The following OSBPL3 variants were observed in gnomAD, a reference collection of about 807,000 sequenced individuals.
The protein encoded by OSBPL3 is oxysterol-binding protein-related protein 3.
A neutral mutation model predicts 120.1 loss-of-function variants in OSBPL3; 65 were observed. The ratio of observed to expected loss-of-function variants is 0.54; its 90% confidence interval spans 0.44 to 0.67. OSBPL3 has a LOEUF of 0.67. Among genes scored for constraint, OSBPL3 ranks in the 30% least tolerant of loss-of-function variants. The pLI, the probability that OSBPL3 is intolerant of heterozygous loss-of-function variation, is 0.00. For synonymous variants in OSBPL3, 416 were observed against 402.6 expected (o/e 1.03, Z -0.40); for missense variants, 1,004 against 1,082.1 (o/e 0.93, Z 1.01).
intron 1 of OSBPL3, among the ~76,000 whole-genome samples, chr7:24,948,117 C>T (rs1813955080): frequency 6.6e-6 from 1 of 152,168 alleles, no homozygotes; most frequent in South Asian, 2.1e-4. Context: ...GAGAAACGGT[C>T]TCCCTTGGCT....
intron 15 of OSBPL3, among the ~76,000 whole-genome samples, chr7:24,832,812 G>C (rs1466220101): frequency 2.6e-5 from 4 of 152,182 alleles, no homozygotes; most frequent in African/African-American, 7.2e-5. Context: ...GGTGGCATGA[G>C]GGAGAGTCCA....
chr7:24,868,143 CCT>C (rs1452942994), intron 5 of OSBPL3, among the ~76,000 whole-genome samples: 4 of 151,668 alleles, frequency 2.6e-5, no homozygotes, highest in Non-Finnish European at 5.9e-5. Flanking sequence ...ATGGTGAAAC[CCT>C]GTCTCTACTA....
Position 24,797,260 on chromosome 7 carries a change from A to G in OSBPL3, c.*2923T>C, listed in dbSNP as rs1434754511. 6.6e-6 allele frequency: 1 copy of G among 152,254 alleles called. No homozygotes were observed. Among genetic ancestry groups the G allele is most frequent in the African/African-American group, 2.4e-5 (1 of 41,476 alleles). 9.4% of individuals were successfully genotyped at this position (152,254 alleles called of 1,614,324 possible). On this transcript the variant is annotated 3_prime_UTR_variant, in exon 23 of 23. Transcript: ENST00000313367. This position sits in a 1 kb window ranked among gnomAD's most constrained non-coding sequence, Gnocchi z 4.8. ...AACAAATGATTTACTACAAGTAATTAAAAGCAGAATATGAGAAAAGCAGCA... is the reference window on the plus strand; with the variant it reads ...AACAAATGATTTACTACAAGTAATTGAAAGCAGAATATGAGAAAAGCAGCA...
chr7:24,809,728 C>A, intron 20 of OSBPL3, 79 bp downstream of exon 20: 1 of 1,366,402 alleles, frequency 7.3e-7, no homozygotes, highest in Non-Finnish European at 1.0e-6. Flanking sequence ...AGACACTACT[C>A]CTGTCCTCTG....
intron 12 of OSBPL3, among the ~76,000 whole-genome samples, chr7:24,844,564 A>G (rs1237366177): frequency 1.3e-5 from 2 of 152,228 alleles, no homozygotes. Context: ...CACTACAAGC[A>G]TTCTGACACA....
chr7:24,855,405 A>G lies in OSBPL3; in HGVS notation c.1028-2771T>C, dbSNP rs942187563. Among the ~76,000 whole-genome samples the G allele has an allele frequency of 6.6e-6, 1 of 152,262 alleles. No homozygotes were observed. The highest frequency in any genetic ancestry group is 2.1e-4 in the South Asian group (1 of 4,830). On this transcript the variant is annotated intron_variant, in intron 10 of 22. Coordinates refer to ENST00000313367, the MANE Select transcript of OSBPL3 (RefSeq NM_015550.4). This position sits in a 1 kb window ranked among gnomAD's most constrained non-coding sequence, Gnocchi z 4.3. ...TACATAAATTTTAAAAACTGGCAGA[A>G]TATACAATATTTGGTTCAAAATGTA...
chr7:24,892,619 A>C lies in OSBPL3; in HGVS notation c.-147T>G. On this transcript the variant is annotated splice_region_variant and 5_prime_UTR_variant, in exon 2 of 23. Coordinates refer to ENST00000313367, the MANE Select transcript of OSBPL3 (RefSeq NM_015550.4). ...TTGGGTGGCCCAAAGGAAACCCTAA[A>C]ACCTAAAAAAGAGAAATTAGAAAGA... The C allele has an allele frequency of 7.3e-7, 1 of 1,362,148 alleles. No homozygotes were observed. Among genetic ancestry groups the C allele is most frequent in the Non-Finnish European group, 9.5e-7 (1 of 1,052,534 alleles). 84.4% of individuals were successfully genotyped at this position (1,362,148 alleles called of 1,614,324 possible). A position where few individuals can be genotyped will look rare whatever the true frequency, so the allele number is the denominator to read the frequency against.
rs1459836113 is a variant in OSBPL3 at position 24,820,375 on chromosome 7, T to C, written c.1885-137A>G. ...GGAAAAACTTCTTTAGTTTCCCTCA[T>C]CAAGTGTGTCCTCAAGAGGGCGCTC... On this transcript the variant is annotated intron_variant, in intron 16 of 22. Coordinates refer to ENST00000313367, the MANE Select transcript of OSBPL3 (RefSeq NM_015550.4). The surrounding 1 kb of genome is among the most constrained non-coding windows in gnomAD (Gnocchi z 4.6). 1.6e-6 allele frequency: 1 copy of C among 636,216 alleles called. No homozygotes were observed. The highest frequency in any genetic ancestry group is 3.0e-5 in the East Asian group (1 of 33,466). 39.4% of individuals were successfully genotyped at this position (636,216 alleles called of 1,614,324 possible).
At chr7:24,838,914 C>T (rs1797345626) in intron 14 of OSBPL3, among the ~76,000 whole-genome samples, 1 of 152,190 alleles carries the variant, frequency 6.6e-6, no homozygotes, top group Admixed American at 6.5e-5. Context: ...GACCTTTCCA[C>T]TAAGGGGTTC....
intron 1 of OSBPL3, among the ~76,000 whole-genome samples, chr7:24,974,432 G>C (rs956043293): frequency 9.2e-5 from 14 of 152,206 alleles, no homozygotes; most frequent in Non-Finnish European, 1.8e-4. Context: ...CATAATAGGA[G>C]TTACACTTTT....
chr7:24,949,448 T>A (rs1814123672), intron 1 of OSBPL3, among the ~76,000 whole-genome samples: 1 of 152,216 alleles, frequency 6.6e-6, no homozygotes, highest in African/African-American at 2.4e-5. Context: ...ATCTTACAAT[T>A]GACAGTCTTT....
At chr7:24,868,337 AAGTGT>A (rs745660877) in intron 5 of OSBPL3, among the ~76,000 whole-genome samples, 47 of 93,278 alleles carry the variant, frequency 5.0e-4, no homozygotes, top group African/African-American at 2.3e-3. Context: ...AAAAAAAAAA[AAGTGT>A]GTGTGTGTGT....
rs1044956 is a variant in OSBPL3, at chr7:24,815,146, G to A, written c.2085C>T (p.Ser695=). 0.29 allele frequency: 465,824 copies of A among 1,610,750 alleles called. 77,685 individuals are homozygous for A. The highest frequency in any genetic ancestry group is 0.74 in the East Asian group (33,374 of 44,846). Reference sequence around the variant, plus strand: ...CATAGTGCTCAATCCACCTCTGCCCGCTTAAGATGTTATGGATGCAAGAGG... The same window carrying A: ...CATAGTGCTCAATCCACCTCTGCCCACTTAAGATGTTATGGATGCAAGAGG... ...KVTSCIHNIL[S]GQRWIEHYGE... The change falls in exon 19 of 23, where the codon AGC becomes AGT. Residue 695 remains serine, a synonymous_variant. Coordinates refer to ENST00000313367, the MANE Select transcript of OSBPL3 (RefSeq NM_015550.4). The surrounding 1 kb of genome is among the most constrained non-coding windows in gnomAD (Gnocchi z 5.1).
Position 24,872,486 on chromosome 7 carries a change from T to TGTGTGTGTGG in OSBPL3, c.97-418_97-417insCCACACACAC, listed in dbSNP as rs57084359. On this transcript the variant is annotated intron_variant, in intron 2 of 22. Coordinates refer to ENST00000313367, the MANE Select transcript of OSBPL3 (RefSeq NM_015550.4). This position sits in a 1 kb window ranked among gnomAD's most constrained non-coding sequence, Gnocchi z 4.1. ...GTGTGTGTGTGTGTGTGTGTGTGTG[T>TGTGTGTGTGG]GGTGTTGGGGGAAGGAAGTTGGTTT... 6.9e-6 allele frequency among the ~76,000 whole-genome samples: 1 copy of TGTGTGTGTGG among 144,770 alleles called. No homozygotes were observed. Among genetic ancestry groups the TGTGTGTGTGG allele is most frequent in the African/African-American group, 2.5e-5 (1 of 39,424 alleles). 95.0% of individuals were successfully genotyped at this position (144,770 alleles called of 152,430 possible).
chr7:24,861,814 G>T, intron 9 of OSBPL3, 45 bp from the exon 10 acceptor site: 2 of 1,338,578 alleles, frequency 1.5e-6, no homozygotes, highest in Non-Finnish European at 2.0e-6. Context: ...GATGCAGATT[G>T]CTTAGAATAT....
intron 1 of OSBPL3, among the ~76,000 whole-genome samples, chr7:24,941,054 T>C (rs528885327): frequency 2.6e-5 from 4 of 152,196 alleles, no homozygotes; most frequent in South Asian, 4.1e-4. Flanking sequence ...CTCCTGACCT[T>C]GTGATCCACC....
chr7:24,806,414 A>C lies in OSBPL3; in HGVS notation c.2444+362T>G, dbSNP rs1793045438. On this transcript the variant is annotated intron_variant, in intron 21 of 22. Transcript: ENST00000313367. This position sits in a 1 kb window ranked among gnomAD's most constrained non-coding sequence, Gnocchi z 5.2. ...TTGTGAGCAGCAACCTAGAATCAGC[A>C]GTTAGATCTCAGTGCACCAAAATCA... Among the ~76,000 whole-genome samples the C allele has an allele frequency of 6.6e-6, 1 of 152,228 alleles. No individual in the cohort carries two copies. Among genetic ancestry groups the C allele is most frequent in the African/African-American group, 2.4e-5 (1 of 41,450 alleles).
intron 1 of OSBPL3, among the ~76,000 whole-genome samples, chr7:24,960,053 C>A (rs971649962): frequency 2.6e-5 from 4 of 152,140 alleles, no homozygotes; most frequent in South Asian, 2.1e-4. Flanking sequence ...CTTAAATGAA[C>A]CTTCTGTTGA....
chr7:24,943,725 G>C (rs1351153883), intron 1 of OSBPL3, among the ~76,000 whole-genome samples: 1 of 152,186 alleles, frequency 6.6e-6, no homozygotes, highest in East Asian at 1.9e-4. Context: ...GTGACTCTAA[G>C]AAAAGCTTTC....
Sources: gnomAD v4.1 joint callset for allele counts (sites outside exome capture counted in the v4.1 genomes callset) on GRCh38, gnomAD v4.1.1 for gene constraint, Gnocchi (gnomAD v3.1) non-coding constraint, MANE v1.5 for transcripts, NCBI Gene and HGNC (gene_info 2026-07-23, HGNC 2026-07-21) for gene names.